Variants in ROCK1 observed in about 807,000 individuals in gnomAD.
ROCK1 encodes the protein rho-associated protein kinase 1.
Under a neutral mutation model 196.8 loss-of-function variants are expected in ROCK1, and 36 were observed. The observed-to-expected ratio is 0.18, with a 90% confidence interval of 0.14 to 0.24. The LOEUF (loss-of-function observed/expected upper bound fraction) is 0.24, where lower values mean the gene tolerates loss of function less well. Among genes scored for constraint, ROCK1 ranks in the 10% least tolerant of loss-of-function variants. ROCK1 has a pLI of 1.00. For missense variants in ROCK1, 920 were observed against 1,562.0 expected, an observed-to-expected ratio of 0.59 and a Z score of 6.93; for synonymous variants, 443 against 515.9, an observed-to-expected ratio of 0.86 and a Z score of 1.91.
chr18:21,101,522 G>A (rs2036659542), intron 1 of ROCK1, among the ~76,000 whole-genome samples: 1 of 152,166 alleles, frequency 6.6e-6, no homozygotes, highest in Admixed American at 6.5e-5. Context: ...GGAAAATACA[G>A]GAAGAAGTTA....
chr18:20,957,671 A>G (rs1445516255), intron 29 of ROCK1, among the ~76,000 whole-genome samples: 2 of 151,968 alleles, frequency 1.3e-5, no homozygotes, highest in South Asian at 2.1e-4. Flanking sequence ...TAGTAGAGAC[A>G]GGGTTTCACC....
At chr18:21,026,358 C>T (rs990644649) in intron 10 of ROCK1, among the ~76,000 whole-genome samples, 46 of 148,716 alleles carry the variant, frequency 3.1e-4, no homozygotes, top group African/African-American at 1.1e-3. Flanking sequence ...GCAGGAGAAT[C>T]GCTTGAACCC....
intron 26 of ROCK1, 36 bp downstream of exon 26, chr18:20,967,716 T>G: frequency 7.0e-7 from 1 of 1,428,430 alleles, no homozygotes. Flanking sequence ...AAAATAATCC[T>G]TCACACTCAT....
intron 22 of ROCK1, among the ~76,000 whole-genome samples, chr18:20,972,981 GC>G (rs1182435651): frequency 6.6e-6 from 1 of 152,194 alleles, no homozygotes; most frequent in Non-Finnish European, 1.5e-5. Flanking sequence ...CTGGGTTGAA[GC>G]AATTCCCCTG....
intron 2 of ROCK1, among the ~76,000 whole-genome samples, chr18:21,064,470 A>C (rs1257046867): frequency 6.6e-6 from 1 of 152,240 alleles, no homozygotes; most frequent in Non-Finnish European, 1.5e-5. Flanking sequence ...TAAGAGCTAC[A>C]GTTTCTAAGA....
chr18:21,053,669 T>C lies in ROCK1; in HGVS notation c.176-3789A>G, dbSNP rs546223747. On this transcript the variant is annotated intron_variant, in intron 2 of 32. Coordinates refer to ENST00000399799, the MANE Select transcript of ROCK1 (RefSeq NM_005406.3). ...TGGACAACATACCAAGACTTGTCTT[T>C]ACAAAAAATTTAAAAATTAGCCAGG... Among the ~76,000 whole-genome samples the C allele has an allele frequency of 5.1e-4, 78 of 152,172 alleles. 1 individual carries two copies. In the South Asian group the frequency reaches 0.015, roughly 30 times the overall value.
chr18:21,078,653 G>A (rs1300193159), intron 1 of ROCK1, among the ~76,000 whole-genome samples: 3 of 152,086 alleles, frequency 2.0e-5, no homozygotes, highest in Non-Finnish European at 4.4e-5. Flanking sequence ...ACCACAGGCT[G>A]GACAGGGTCA....
intron 29 of ROCK1, among the ~76,000 whole-genome samples, chr18:20,959,103 TTA>T (rs1281407137): frequency 0.022 from 388 of 17,526 alleles, 26 homozygotes; most frequent in African/African-American, 0.074. Flanking sequence ...AATATATATA[TTA>T]TATATATATT....
intron 9 of ROCK1, among the ~76,000 whole-genome samples, chr18:21,034,765 C>T (rs971886954): frequency 3.3e-5 from 5 of 152,048 alleles, no homozygotes; most frequent in Admixed American, 2.0e-4. Flanking sequence ...GCCAAAGATA[C>T]AAGCAACAAA....
In ROCK1 at chr18:21,111,026, T is replaced by A; in HGVS notation, c.-116A>T. 3 of 774,036 alleles carry A rather than the reference T, an allele frequency of 3.9e-6. No homozygotes were observed. The South Asian group carries it at 4.7e-5, about 12-fold the overall frequency. 47.9% of individuals were successfully genotyped at this position (774,036 alleles called of 1,614,324 possible). A position where few individuals can be genotyped will look rare whatever the true frequency, so the allele number is the denominator to read the frequency against. On this transcript the variant is annotated 5_prime_UTR_variant, in exon 1 of 33. Transcript: ENST00000399799. The surrounding 1 kb of genome is among the most constrained non-coding windows in gnomAD (Gnocchi z 4.2). The stretch of plus-strand genomic sequence containing the variant: ...GGGCGGAGGAGCCGGAACCTCAGGG[T>A]CACCAGGTGCGCCCGGTTCCCCCGT...
In ROCK1 at chr18:20,953,753, G is replaced by A; in HGVS notation, c.3886C>T (p.Leu1296=). The change falls in exon 32 of 33, where the codon CTG becomes TTG. Residue 1296 remains leucine, a synonymous_variant. Transcript: ENST00000399799. ...TCATCCTGAGAACATGCTAACAGCAGCATATCTCTTGCTGATGTTACATCA... is the reference window on the plus strand; with the variant it reads ...TCATCCTGAGAACATGCTAACAGCAACATATCTCTTGCTGATGTTACATCA... ...SYDVTSARDM[L]LLACSQDEQK... 2 of 1,487,092 alleles carry A rather than the reference G, an allele frequency of 1.3e-6. No individual in the cohort carries two copies. Among genetic ancestry groups the A allele is most frequent in the Non-Finnish European group, 1.8e-6 (2 of 1,096,196 alleles). 92.1% of individuals were successfully genotyped at this position (1,487,092 alleles called of 1,614,324 possible). A position where few individuals can be genotyped will look rare whatever the true frequency, so the allele number is the denominator to read the frequency against.
At chr18:20,975,867 T>C (rs2035475815) in intron 22 of ROCK1, among the ~76,000 whole-genome samples, 1 of 152,202 alleles carries the variant, frequency 6.6e-6, no homozygotes, top group Admixed American at 6.5e-5. Context: ...TGCCTCGGCC[T>C]CCCAAAGTGC....
At chr18:21,063,433 A>T (rs755310543) in intron 2 of ROCK1, among the ~76,000 whole-genome samples, 5 of 152,148 alleles carry the variant, frequency 3.3e-5, no homozygotes, top group Non-Finnish European at 7.4e-5. Flanking sequence ...GACTGCTTTG[A>T]GTTGGGTGGG....
At chr18:21,045,986 C>G (rs1259477231) in intron 4 of ROCK1, among the ~76,000 whole-genome samples, 1 of 138,490 alleles carries the variant, frequency 7.2e-6, no homozygotes, top group Non-Finnish European at 1.5e-5. Context: ...TGTCGGCTCA[C>G]TGCAAGCTCC....
At chr18:21,014,860 C>T (rs1170524937) in intron 13 of ROCK1, among the ~76,000 whole-genome samples, 1 of 152,050 alleles carries the variant, frequency 6.6e-6, no homozygotes, top group African/African-American at 2.4e-5. Flanking sequence ...CTCATAGACA[C>T]AGTAGAAATA....
At chr18:21,008,266 C>T in intron 13 of ROCK1, 72 bp from the exon 14 acceptor site, 2 of 1,101,490 alleles carry the variant, frequency 1.8e-6, no homozygotes, top group South Asian at 1.9e-5. Flanking sequence ...GTATTTTGTT[C>T]TTAAAAACAA....
intron 13 of ROCK1, among the ~76,000 whole-genome samples, chr18:21,014,527 C>T (rs2035846881): frequency 6.6e-6 from 1 of 152,142 alleles, no homozygotes; most frequent in African/African-American, 2.4e-5. Flanking sequence ...AAATGAATAA[C>T]TTAAATCTAG....
intron 1 of ROCK1, among the ~76,000 whole-genome samples, chr18:21,100,650 C>T (rs1335181137): frequency 1.3e-5 from 2 of 151,610 alleles, no homozygotes; most frequent in South Asian, 4.2e-4. Context: ...TTGTTTGTGA[C>T]TCATATGGAT....
chr18:21,090,850 G>A (rs2036563565), intron 1 of ROCK1, among the ~76,000 whole-genome samples: 1 of 125,730 alleles, frequency 8.0e-6, no homozygotes, highest in South Asian at 3.4e-4. Context: ...ACATGTAAGA[G>A]CATCAGTATC....
Sources: allele counts gnomAD v4.1 joint callset (sites outside exome capture counted in the v4.1 genomes callset), GRCh38; gene constraint gnomAD v4.1.1; non-coding constraint Gnocchi (gnomAD v3.1); transcripts MANE v1.5; gene names NCBI Gene and HGNC (gene_info 2026-07-23, HGNC 2026-07-21).